PTPRD: variants seen among roughly 807,000 people sequenced by gnomAD.
PTPRD encodes protein tyrosine phosphatase receptor type D, also known as receptor-type tyrosine-protein phosphatase delta.
Under a neutral mutation model 214.5 loss-of-function variants are expected in PTPRD, and 34 were observed. The ratio of observed to expected loss-of-function variants is 0.16; its 90% confidence interval spans 0.12 to 0.21. The LOEUF is 0.21. Ranked by LOEUF, PTPRD falls within the 10% of genes least tolerant of loss-of-function variation. PTPRD has a pLI of 1.00. For synonymous variants in PTPRD, 1,128 were observed against 845.7 expected (o/e 1.33, Z -5.79); for missense variants, 2,545 against 2,398.7 (o/e 1.06, Z -1.27).
At chr9:8,850,071 G>A (rs2814717) in intron 11 of PTPRD, among the ~76,000 whole-genome samples, 107,105 of 151,986 alleles carry the variant, frequency 0.7, 38,392 homozygotes, top group African/African-American at 0.83. Context: ...CAAGGTTTCT[G>A]ATCAAGGGAT....
At chr9:9,017,654 A>T (rs191322332) in intron 11 of PTPRD, among the ~76,000 whole-genome samples, 1 of 152,216 alleles carries the variant, frequency 6.6e-6, no homozygotes, top group Admixed American at 6.5e-5. Context: ...CATTTTCTTC[A>T]TTTAAACATG....
At chr9:9,255,715 G>C (rs2099977435) in intron 9 of PTPRD, among the ~76,000 whole-genome samples, 1 of 151,998 alleles carries the variant, frequency 6.6e-6, no homozygotes, top group Non-Finnish European at 1.5e-5. Flanking sequence ...TGTTGTAAAA[G>C]GGAATCATGA....
In PTPRD at chr9:10,036,532, A is replaced by G. The variant is rs555859983; in HGVS notation, c.-544-2742T>C. Among the ~76,000 whole-genome samples, 57 of 95,406 alleles carry G rather than the reference A, an allele frequency of 6.0e-4. No individual in the cohort carries two copies. In the South Asian group the frequency reaches 0.019, roughly 32 times the overall value. 62.6% of individuals were successfully genotyped at this position (95,406 alleles called of 152,430 possible). A position where few individuals can be genotyped will look rare whatever the true frequency, so the allele number is the denominator to read the frequency against. ...CACACACACACACACACACACACAC[A>G]CAATTTTGCCAGGATTCCACAAACA... is the stretch of plus-strand genomic sequence containing the variant. On this transcript the variant is annotated intron_variant, in intron 3 of 45. Transcript: ENST00000381196.
intron 5 of PTPRD, among the ~76,000 whole-genome samples, chr9:9,796,207 G>T (rs531978597): frequency 1.3e-3 from 192 of 152,194 alleles, no homozygotes; most frequent in African/African-American, 4.3e-3. Flanking sequence ...GTTGAAAGAA[G>T]AAGAAGAAAA....
intron 35 of PTPRD, among the ~76,000 whole-genome samples, chr9:8,431,402 G>A (rs1219870863): frequency 6.6e-6 from 1 of 152,068 alleles, no homozygotes; most frequent in Non-Finnish European, 1.5e-5. Flanking sequence ...TTCAGTTTTA[G>A]ATGATAGTTC....
intron 11 of PTPRD, among the ~76,000 whole-genome samples, chr9:8,818,643 T>C (rs1409056181): frequency 6.6e-6 from 1 of 152,232 alleles, no homozygotes; most frequent in Non-Finnish European, 1.5e-5. Context: ...TCATACCTAC[T>C]GAATTAGTAT....
chr9:9,803,564 T>C (rs1230369143), intron 5 of PTPRD, among the ~76,000 whole-genome samples: 1 of 151,976 alleles, frequency 6.6e-6, no homozygotes, highest in African/African-American at 2.4e-5. Context: ...CCAGCAGAGT[T>C]AGTACTGTTT....
chr9:8,666,671 T>C (rs2097176653), intron 12 of PTPRD, among the ~76,000 whole-genome samples: 1 of 152,224 alleles, frequency 6.6e-6, no homozygotes, highest in African/African-American at 2.4e-5. Flanking sequence ...GTGACTCATT[T>C]GATAACAGGA....
chr9:10,258,791 G>A (rs1355466158), intron 3 of PTPRD, among the ~76,000 whole-genome samples: 1 of 152,058 alleles, frequency 6.6e-6, no homozygotes, highest in East Asian at 1.9e-4. Flanking sequence ...GGAAAAACAA[G>A]TGGTTAAAAA....
intron 3 of PTPRD, among the ~76,000 whole-genome samples, chr9:10,171,381 C>G (rs375573383): frequency 6.6e-6 from 1 of 151,996 alleles, no homozygotes; most frequent in Non-Finnish European, 1.5e-5. Context: ...GAAACCCTTT[C>G]GCTTGGCTCT....
chr9:8,780,608 C>A (rs1247117123), intron 11 of PTPRD, among the ~76,000 whole-genome samples: 1 of 152,150 alleles, frequency 6.6e-6, no homozygotes, highest in Non-Finnish European at 1.5e-5. Flanking sequence ...GTACCCGAAG[C>A]AACCCCAGAG....
rs1354223670 is a variant in PTPRD, at chr9:8,938,712, GA to G, written c.-104+79984del. On this transcript the variant is annotated intron_variant, in intron 11 of 45. Coordinates refer to ENST00000381196, the MANE Select transcript of PTPRD (RefSeq NM_002839.4). ...TACAAAGGGTCCACTAAGAGGCCAA[GA>G]AAAAAAAAAAGTCAGTACCATTACT... is the stretch of plus-strand genomic sequence containing the variant. Among the ~76,000 whole-genome samples, 821 of 144,306 alleles carry G rather than the reference GA, an allele frequency of 5.7e-3. 7 individuals carry two copies. The highest frequency in any genetic ancestry group is 0.017 in the African/African-American group (668 of 39,592). 94.7% of individuals were successfully genotyped at this position (144,306 alleles called of 152,430 possible). A position where few individuals can be genotyped will look rare whatever the true frequency, so the allele number is the denominator to read the frequency against.
chr9:10,125,375 C>A (rs1282250986), intron 3 of PTPRD, among the ~76,000 whole-genome samples: 1 of 146,770 alleles, frequency 6.8e-6, no homozygotes, highest in Non-Finnish European at 1.5e-5. Flanking sequence ...TTTTTCTTTT[C>A]GTTTTTATCT....
At chr9:8,787,160 A>G (rs1351164439) in intron 11 of PTPRD, among the ~76,000 whole-genome samples, 4 of 152,294 alleles carry the variant, frequency 2.6e-5, no homozygotes, top group African/African-American at 4.8e-5. Context: ...TAAACAGCCC[A>G]GAACTTACAC....
intron 2 of PTPRD, among the ~76,000 whole-genome samples, chr9:10,427,043 T>A (rs971055784): frequency 6.6e-6 from 1 of 151,956 alleles, no homozygotes; most frequent in African/African-American, 2.4e-5. Flanking sequence ...TGCAAAGAGG[T>A]ATTTTGGGGG....
intron 14 of PTPRD, among the ~76,000 whole-genome samples, chr9:8,566,012 T>G (rs1345917117): frequency 6.6e-6 from 1 of 151,892 alleles, no homozygotes; most frequent in African/African-American, 2.4e-5. Flanking sequence ...AAACCAGGGC[T>G]CCCAGGTAAG....
At chr9:10,230,408 GTATC>G (rs1415435638) in intron 3 of PTPRD, among the ~76,000 whole-genome samples, 69 of 138,412 alleles carry the variant, frequency 5.0e-4, no homozygotes, top group Middle Eastern at 3.7e-3. Flanking sequence ...ATCTCTCTAT[GTATC>G]TATCTATGTA....
Position 8,969,934 on chromosome 9 carries a change from T to C in PTPRD, c.-104+48763A>G, listed in dbSNP as rs138031950. Among the ~76,000 whole-genome samples the C allele has an allele frequency of 5.3e-5, 8 of 152,134 alleles. No individual in the cohort carries two copies. In the East Asian group the frequency reaches 7.7e-4, roughly 15 times the overall value. ...ATTACTATTTTGATTAGTGTCATCA[T>C]AGATGAAAGCATGGTGTGTTATGAG... is the stretch of plus-strand genomic sequence containing the variant. On this transcript the variant is annotated intron_variant, in intron 11 of 45. Transcript: ENST00000381196.
chr9:9,834,643 G>C (rs952045439), intron 5 of PTPRD, among the ~76,000 whole-genome samples: 2 of 151,956 alleles, frequency 1.3e-5, no homozygotes, highest in African/African-American at 4.8e-5. Flanking sequence ...AAAGCCTCTG[G>C]GGTCATTTCT....
Sources: allele counts gnomAD v4.1 joint callset (sites outside exome capture counted in the v4.1 genomes callset), GRCh38; gene constraint gnomAD v4.1.1; transcripts MANE v1.5; gene names NCBI Gene and HGNC (gene_info 2026-07-23, HGNC 2026-07-21).